Variants in LONP1 observed in about 807,000 individuals in gnomAD.
The protein encoded by LONP1 is lon peptidase 1, mitochondrial.
LONP1 carries 31 observed loss-of-function variants against 98.5 expected under a neutral mutation model. The ratio of observed to expected loss-of-function variants is 0.31; its 90% CI spans 0.24 to 0.42. LONP1 has a LOEUF of 0.42. Ranked by LOEUF, LONP1 falls within the 20% of genes least tolerant of loss-of-function variation. The pLI, the probability that LONP1 is intolerant of heterozygous loss-of-function variation, is 1.00. For synonymous variants in LONP1, 781 were observed against 594.7 expected (o/e 1.31, Z -4.56); for missense variants, 1,336 against 1,350.6 (o/e 0.99, Z 0.17).
chr19:5,719,532 T>C (rs1472784821), intron 1 of LONP1, among the ~76,000 whole-genome samples, 172 bp downstream of exon 1: 1 of 152,248 alleles, frequency 6.6e-6, no homozygotes, highest in Non-Finnish European at 1.5e-5. Context: ...GAGAGGACTT[T>C]GGCTCAAGGT....
intron 3 of LONP1, among the ~76,000 whole-genome samples, chr19:5,712,842 G>A (rs2055259090): frequency 6.6e-6 from 1 of 152,096 alleles, no homozygotes; most frequent in African/African-American, 2.4e-5. Flanking sequence ...ACGTTGCCCA[G>A]GCTGGACTCA....
chr19:5,700,675 C>T, intron 9 of LONP1, 114 bp downstream of exon 9: 1 of 1,434,828 alleles, frequency 7.0e-7, no homozygotes, highest in Middle Eastern at 2.5e-4. Flanking sequence ...ACCAGCACCC[C>T]CAGGCCTACG....
chr19:5,698,879 C>T, intron 10 of LONP1, 148 bp downstream of exon 10: 1 of 840,194 alleles, frequency 1.2e-6, no homozygotes, highest in African/African-American at 1.8e-5. Context: ...CGCCACATGG[C>T]TGGACTTTTC....
intron 17 of LONP1, 91 bp from the exon 18 acceptor site, chr19:5,692,299 C>A: frequency 7.8e-7 from 1 of 1,284,974 alleles, no homozygotes; most frequent in Non-Finnish European, 1.1e-6. Context: ...TCCTGGGGAC[C>A]GGCGATACAC....
intron 8 of LONP1, among the ~76,000 whole-genome samples, chr19:5,704,364 C>T (rs969264752): frequency 3.3e-5 from 5 of 152,192 alleles, no homozygotes; most frequent in African/African-American, 1.2e-4. Flanking sequence ...GGCCACTCAC[C>T]GAAATCGGGG....
In LONP1 at chr19:5,713,003, C is replaced by G. The variant is rs2100111175; in HGVS notation, c.638+131G>C. 1.2e-5 allele frequency: 15 copies of G among 1,263,922 alleles called. No individual in the cohort carries two copies. In the South Asian group the frequency reaches 1.8e-4, roughly 15 times the overall value. 78.3% of individuals were successfully genotyped at this position (1,263,922 alleles called of 1,614,324 possible). Reference sequence around the variant, plus strand: ...TCTCACTCTCACCCCCAGCTCTGGCCTCAGTGCTAGTGAGAAAGCCGCTGG... The same window carrying G: ...TCTCACTCTCACCCCCAGCTCTGGCGTCAGTGCTAGTGAGAAAGCCGCTGG... On this transcript the variant is annotated intron_variant, in intron 3 of 17. Coordinates refer to ENST00000360614, the MANE Select transcript of LONP1 (RefSeq NM_004793.4).
chr19:5,713,613 G>C (rs1253072990), intron 2 of LONP1, among the ~76,000 whole-genome samples: 1 of 152,168 alleles, frequency 6.6e-6, no homozygotes, highest in East Asian at 1.9e-4. Flanking sequence ...CCAGGCTGGA[G>C]AGCAATGGTG....
Position 5,693,697 on chromosome 19 carries a change from CCATCCTTGT to C in LONP1, c.2384_2392del (p.Asp795_Asp797del). 1 of 1,614,076 alleles carries C rather than the reference CCATCCTTGT, an allele frequency of 6.2e-7. No individual in the cohort carries two copies. The highest frequency in any genetic ancestry group is 8.5e-7 in the Non-Finnish European group (1 of 1,179,986). ...CAGCTGGCCTGTCACCTCCAGGCTG[CCATCCTTGT>C]CACCCTTGGCATCCTTGTCCTGTGG... On this transcript the variant is annotated inframe_deletion, in exon 16 of 18. Transcript: ENST00000360614.
At chr19:5,705,182 C>T (rs1038587107) in intron 8 of LONP1, among the ~76,000 whole-genome samples, 2 of 151,190 alleles carry the variant, frequency 1.3e-5, no homozygotes, top group Non-Finnish European at 2.9e-5. Context: ...AAAAGCCAGG[C>T]ATGGTGGCTC....
chr19:5,720,068 G>GGCCGCCGCAGCACCC lies in LONP1; in HGVS notation c.50_64dup (p.Arg21_Pro22insArgValLeuArgArg), dbSNP rs1475240684. On this transcript the variant is annotated inframe_insertion, in exon 1 of 18. Transcript: ENST00000360614. ...CCGCCCCCCGGCGGCGGCCAGCATC[G>GGCCGCCGCAGCACCC]GCCGCCGCAGCACCCAGCACCGCGC... 3 of 1,527,906 alleles carry GGCCGCCGCAGCACCC rather than the reference G, an allele frequency of 2.0e-6. No homozygotes were observed. In the East Asian group the frequency reaches 7.6e-5, roughly 39 times the overall value. The allele number at this position is 1,527,906 out of a possible 1,614,324, so 94.6% of individuals were successfully genotyped here. A position where few individuals can be genotyped will look rare whatever the true frequency, so the allele number is the denominator to read the frequency against.
At chr19:5,694,704 T>A in intron 14 of LONP1, 57 bp downstream of exon 14, 1 of 1,575,458 alleles carries the variant, frequency 6.3e-7, no homozygotes, top group Non-Finnish European at 8.7e-7. Flanking sequence ...GGTGGGGTGA[T>A]CAGCGTGGGA....
rs144807005 is a variant in LONP1 at position 5,707,751 on chromosome 19, G to A, written c.1008C>T (p.Ala336=). ...CATGGGACTCGGCCCCGGTGAGCGCGGCGCCCATGTCGCTCAGGTAGATGG... is the reference window on the plus strand; with the variant it reads ...CATGGGACTCGGCCCCGGTGAGCGCAGCGCCCATGTCGCTCAGGTAGATGG... The part of the protein sequence containing the change: ...DNPIYLSDMG[A]ALTGAESHEL... Residue 336 remains alanine, a synonymous_variant, in exon 6 of 18, where the codon GCC becomes GCT. Coordinates refer to ENST00000360614, the MANE Select transcript of LONP1 (RefSeq NM_004793.4). 6.5e-5 allele frequency: 105 copies of A among 1,613,288 alleles called. No homozygotes were observed. The African/African-American group carries it at 9.2e-4, about 14-fold the overall frequency.
At chr19:5,701,774 G>A (rs953162001) in intron 8 of LONP1, among the ~76,000 whole-genome samples, 8 of 151,758 alleles carry the variant, frequency 5.3e-5, no homozygotes, top group South Asian at 4.2e-4. Flanking sequence ...AGTGAGGAGC[G>A]TCTCTGCCTG....
At chr19:5,697,971 CCCCCCA>C (rs965979443) in intron 10 of LONP1, among the ~76,000 whole-genome samples, 8 of 136,284 alleles carry the variant, frequency 5.9e-5, no homozygotes, top group Admixed American at 1.5e-4. Context: ...GGACTGGGTG[CCCCCCA>C]CCCCCACCCC....
chr19:5,701,711 C>T (rs1258715787), intron 8 of LONP1, among the ~76,000 whole-genome samples: 2 of 152,314 alleles, frequency 1.3e-5, no homozygotes, highest in Non-Finnish European at 2.9e-5. Flanking sequence ...CCTGCCTTAG[C>T]CTCCCAAAGT....
At position 5,697,243 on chromosome 19, in the gene LONP1, T is replaced by C. The variant is rs146750298; in HGVS notation, c.1686-486A>G. On this transcript the variant is annotated intron_variant, in intron 10 of 17. Coordinates refer to ENST00000360614, the MANE Select transcript of LONP1 (RefSeq NM_004793.4). ...CCACGAGAGACAGTGAGGAAGGCTC[T>C]GTCTGTGGGATGAAGACACAGGGAG... is the stretch of plus-strand genomic sequence containing the variant. 3.0e-3 allele frequency among the ~76,000 whole-genome samples: 456 copies of C among 152,148 alleles called. 1 individual carries two copies. Among genetic ancestry groups the C allele is most frequent in the African/African-American group, 0.011 (442 of 41,496 alleles).
At chr19:5,700,456 ACCCAAC>A (rs2055019822) in intron 9 of LONP1, among the ~76,000 whole-genome samples, 1 of 151,808 alleles carries the variant, frequency 6.6e-6, no homozygotes, top group East Asian at 1.9e-4. Flanking sequence ...TCACTCTGTC[ACCCAAC>A]CTGATGTGCA....
At chr19:5,696,830 G>C in intron 10 of LONP1, 73 bp from the exon 11 acceptor site, 1 of 999,086 alleles carries the variant, frequency 1.0e-6, no homozygotes, top group African/African-American at 1.6e-5. Flanking sequence ...GCACCCTCCA[G>C]GGCCACAGGG....
chr19:5,708,428 TG>T, intron 4 of LONP1, 25 bp from the exon 5 acceptor site: 1 of 778,022 alleles, frequency 1.3e-6, no homozygotes. Flanking sequence ...GCAGGGTCGC[TG>T]GGGCCCAGCA....
Sources: gnomAD v4.1 joint callset for allele counts (sites outside exome capture counted in the v4.1 genomes callset) on GRCh38, gnomAD v4.1.1 for gene constraint, MANE v1.5 for transcripts, NCBI Gene and HGNC (gene_info 2026-07-23, HGNC 2026-07-21) for gene names.